The following ACOT7 variants were observed in gnomAD, a reference collection of about 807,000 sequenced individuals.
ACOT7 encodes acyl-CoA thioesterase 7, also known as cytosolic acyl coenzyme A thioester hydrolase.
Under a neutral mutation model 40.2 loss-of-function variants are expected in ACOT7, and 12 were observed. The ratio of observed to expected loss-of-function variants is 0.30; its 90% CI spans 0.19 to 0.48. The LOEUF is 0.48. Among genes scored for constraint, ACOT7 ranks in the 20% least tolerant of loss-of-function variants. ACOT7 has a pLI of 0.99. For synonymous variants in ACOT7, 228 were observed against 219.5 expected, an observed-to-expected ratio of 1.04 and a Z score of -0.34; for missense variants, 395 against 530.8, an observed-to-expected ratio of 0.74 and a Z score of 2.51.
intron 8 of ACOT7, 22 bp downstream of exon 8, chr1:6,281,080 C>G: frequency 3.7e-6 from 6 of 1,609,290 alleles, no homozygotes; most frequent in Non-Finnish European, 4.2e-6. Flanking sequence ...GAGGGGCCGC[C>G]GTTCCAAGGA....
chr1:6,363,995 C>G (rs149666122), intron 1 of ACOT7, among the ~76,000 whole-genome samples: 72 of 152,170 alleles, frequency 4.7e-4, no homozygotes, highest in Non-Finnish European at 9.0e-4. Flanking sequence ...ATCACTTGAG[C>G]TGGGAGGTCA....
rs1007884131 is a variant in ACOT7 at position 6,393,595 on chromosome 1, C to G, written c.-196G>C. On this transcript the variant is annotated 5_prime_UTR_variant, in exon 1 of 9. Transcript: ENST00000361521. ...GGCGGCGTGGGGGCCCAGGCAGCCGCCGCTTCCAGAAGGTTCGGTGGCGGT... is the reference window on the plus strand; with the variant it reads ...GGCGGCGTGGGGGCCCAGGCAGCCGGCGCTTCCAGAAGGTTCGGTGGCGGT... 5 of 402,762 alleles carry G rather than the reference C, an allele frequency of 1.2e-5. No homozygotes were observed. Among genetic ancestry groups the G allele is most frequent in the South Asian group, 2.5e-4 (2 of 8,034 alleles). 24.9% of individuals were successfully genotyped at this position (402,762 alleles called of 1,614,324 possible). A position where few individuals can be genotyped will look rare whatever the true frequency, so the allele number is the denominator to read the frequency against.
intron 8 of ACOT7, among the ~76,000 whole-genome samples, chr1:6,268,577 T>C (rs907200713): frequency 1.3e-5 from 2 of 152,044 alleles, no homozygotes; most frequent in Non-Finnish European, 2.9e-5. Flanking sequence ...GGCGCGATTT[T>C]CCCCACTCCC....
At chr1:6,317,672 C>G (rs1346806464) in intron 6 of ACOT7, among the ~76,000 whole-genome samples, 5 of 151,984 alleles carry the variant, frequency 3.3e-5, no homozygotes, top group African/African-American at 1.2e-4. Flanking sequence ...TCCCCAGGGA[C>G]GCAGTCATCC....
intron 6 of ACOT7, among the ~76,000 whole-genome samples, chr1:6,304,601 C>G (rs531705453): frequency 4.5e-5 from 6 of 134,340 alleles, no homozygotes; most frequent in East Asian, 4.1e-4. Context: ...TGACTCTTAA[C>G]GAGCATGCTG....
intron 1 of ACOT7, among the ~76,000 whole-genome samples, chr1:6,363,074 A>G (rs6659373): frequency 0.08 from 12,117 of 152,288 alleles, 539 homozygotes; most frequent in Non-Finnish European, 0.097. Context: ...ATTAATTTGT[A>G]GCAATTACTC....
intron 6 of ACOT7, among the ~76,000 whole-genome samples, chr1:6,307,740 A>T (rs1237925294): frequency 6.6e-6 from 1 of 152,024 alleles, no homozygotes; most frequent in East Asian, 1.9e-4. Context: ...AGGCGGGGGA[A>T]CTGCAACAGG....
chr1:6,303,691 C>T (rs539793485), intron 6 of ACOT7, among the ~76,000 whole-genome samples: 67 of 152,240 alleles, frequency 4.4e-4, no homozygotes, highest in African/African-American at 1.2e-3. Context: ...TTTTAAATAC[C>T]CCACCCGTTA....
In ACOT7 at chr1:6,330,422, G is replaced by C. The variant is rs990547912; in HGVS notation, c.511-3009C>G. 6.6e-5 allele frequency among the ~76,000 whole-genome samples: 10 copies of C among 152,194 alleles called. No individual in the cohort carries two copies. The highest frequency in any genetic ancestry group is 1.0e-4 in the Non-Finnish European group (7 of 68,028). On this transcript the variant is annotated intron_variant, in intron 4 of 8. Transcript: ENST00000361521. This position sits in a 1 kb window ranked among gnomAD's most constrained non-coding sequence, Gnocchi z 4.6. ...TACTACGTGGGCCTAGCGTGTGTTG[G>C]GGGGAAGATGGTGCAAAGAGCTCTG...
chr1:6,377,165 C>G (rs191564939), intron 1 of ACOT7, among the ~76,000 whole-genome samples: 10 of 152,242 alleles, frequency 6.6e-5, no homozygotes, highest in Non-Finnish European at 1.3e-4. Flanking sequence ...CTTTGGAAGA[C>G]AGTTTGGCAG....
intron 4 of ACOT7, among the ~76,000 whole-genome samples, chr1:6,331,468 G>A (rs188556593): frequency 3.2e-3 from 482 of 152,320 alleles, no homozygotes; most frequent in Middle Eastern, 0.017. Context: ...AATGGAGGGC[G>A]CAGGGCCTTG....
chr1:6,330,672 A>C lies in ACOT7; in HGVS notation c.510+2805T>G, dbSNP rs1350571706. 6.6e-6 allele frequency among the ~76,000 whole-genome samples: 1 copy of C among 152,186 alleles called. No homozygotes were observed. The highest frequency in any genetic ancestry group is 1.5e-5 in the Non-Finnish European group (1 of 68,012). On this transcript the variant is annotated intron_variant, in intron 4 of 8. Transcript: ENST00000361521. This position sits in a 1 kb window ranked among gnomAD's most constrained non-coding sequence, Gnocchi z 4.6. ...AGGAGAGGCGAGGCTAACAGGGGCC[A>C]CGCTGAAAGCACCCTGTCCCTGCAG...
intron 1 of ACOT7, among the ~76,000 whole-genome samples, chr1:6,374,544 A>G (rs992103286): frequency 3.3e-5 from 5 of 152,232 alleles, no homozygotes; most frequent in African/African-American, 9.6e-5. Context: ...CTGGAGATCA[A>G]GCACCACAAC....
intron 6 of ACOT7, among the ~76,000 whole-genome samples, chr1:6,298,573 G>A (rs1639877566): frequency 6.6e-6 from 1 of 152,226 alleles, no homozygotes; most frequent in African/African-American, 2.4e-5. Flanking sequence ...AGAATCCTAG[G>A]CAGCGGATTT....
chr1:6,376,676 G>A (rs921659454), intron 1 of ACOT7, among the ~76,000 whole-genome samples: 40 of 148,124 alleles, frequency 2.7e-4, no homozygotes, highest in East Asian at 4.0e-4. Flanking sequence ...GCAGTGAGCC[G>A]AGATGGCACT....
rs551843077 is a variant in ACOT7, at chr1:6,345,066, C to T, written c.261+4683G>A. Among the ~76,000 whole-genome samples, 38 of 152,302 alleles carry T rather than the reference C, an allele frequency of 2.5e-4. No homozygotes were observed. In the Middle Eastern group the frequency reaches 0.01, roughly 41 times the overall value. On this transcript the variant is annotated intron_variant, in intron 2 of 8. Coordinates refer to ENST00000361521, the MANE Select transcript of ACOT7 (RefSeq NM_007274.4). ...TGAAGGCCAGTGTGATCCAAAACTTCAATACATGGACTGACAAGTATTTGC... is the reference window on the plus strand; with the variant it reads ...TGAAGGCCAGTGTGATCCAAAACTTTAATACATGGACTGACAAGTATTTGC...
At chr1:6,343,781 G>A (rs139343244) in intron 2 of ACOT7, among the ~76,000 whole-genome samples, 5 of 152,364 alleles carry the variant, frequency 3.3e-5, no homozygotes, top group African/African-American at 1.2e-4. Context: ...AGTACATTAC[G>A]GTATGCTATG....
chr1:6,344,786 A>G lies in ACOT7; in HGVS notation c.261+4963T>C, dbSNP rs1049126484. Among the ~76,000 whole-genome samples, 71 of 150,792 alleles carry G rather than the reference A, an allele frequency of 4.7e-4. 1 individual carries two copies. Among genetic ancestry groups the G allele is most frequent in the Middle Eastern group, 3.4e-3 (1 of 294 alleles). On this transcript the variant is annotated intron_variant, in intron 2 of 8. Coordinates refer to ENST00000361521, the MANE Select transcript of ACOT7 (RefSeq NM_007274.4). ...CTCAAAAAAAAAAAAAAAAAAAAAA[A>G]AAAAGAAAAGAAGAAGAAAAGTAAT...
rs933261520 is a variant in ACOT7 at position 6,294,468 on chromosome 1, T to A, written c.829+396A>T. Among the ~76,000 whole-genome samples, 1 of 152,250 alleles carries A rather than the reference T, an allele frequency of 6.6e-6. No homozygotes were observed. Among genetic ancestry groups the A allele is most frequent in the African/African-American group, 2.4e-5 (1 of 41,470 alleles). On this transcript the variant is annotated intron_variant, in intron 7 of 8. Coordinates refer to ENST00000361521, the MANE Select transcript of ACOT7 (RefSeq NM_007274.4). The surrounding 1 kb of genome is among the most constrained non-coding windows in gnomAD (Gnocchi z 4.6). ...GAGGAGGGGCTCCTGCGGGCTTTTCTGTACTGACCCTGCCACTGCCTAAAT... is the reference window on the plus strand; with the variant it reads ...GAGGAGGGGCTCCTGCGGGCTTTTCAGTACTGACCCTGCCACTGCCTAAAT...
Sources: gnomAD v4.1 joint callset for allele counts (sites outside exome capture counted in the v4.1 genomes callset) on GRCh38, gnomAD v4.1.1 for gene constraint, Gnocchi (gnomAD v3.1) non-coding constraint, MANE v1.5 for transcripts, NCBI Gene and HGNC (gene_info 2026-07-23, HGNC 2026-07-21) for gene names.